FOXP2: variants seen among roughly 807,000 people sequenced by gnomAD.
FOXP2 encodes forkhead box P2.
Under a neutral mutation model 115.8 loss-of-function variants are expected in FOXP2, and 12 were observed. The observed-to-expected ratio is 0.10, with a 90% CI of 0.07 to 0.17. The LOEUF (loss-of-function observed/expected upper bound fraction) is 0.17. Among genes scored for constraint, FOXP2 ranks in the 10% least tolerant of loss-of-function variants. The pLI is 1.00. For missense variants in FOXP2, 629 were observed against 843.5 expected (o/e 0.75, Z 3.15); for synonymous variants, 328 against 297.7 (o/e 1.10, Z -1.05).
chr7:114,451,760 G>C (rs1584752124), intron 2 of FOXP2, among the ~76,000 whole-genome samples: 1 of 151,958 alleles, frequency 6.6e-6, no homozygotes, highest in South Asian at 2.1e-4. Context: ...GTGCTCTACA[G>C]AAAAATAATA....
intron 2 of FOXP2, among the ~76,000 whole-genome samples, chr7:114,328,020 C>T (rs925554577): frequency 2.7e-4 from 41 of 150,770 alleles, no homozygotes; most frequent in Non-Finnish European, 5.5e-4. Flanking sequence ...TTCTGGGATC[C>T]ATCAATCCCC....
chr7:114,691,929 C>CAAAAAAAAAAAAAAAA lies in FOXP2; in HGVS notation c.*2016_*2017insAAAAAAAAAAAAAAAA. Reference sequence around the variant, plus strand: ...GGCTTTCTGAAAGCTTCTACCTCTGCAAAAAAAAAAAAAGAAAAAAAAAAA... The same window carrying CAAAAAAAAAAAAAAAA: ...GGCTTTCTGAAAGCTTCTACCTCTGCAAAAAAAAAAAAAAAAAAAAAAAAAAAAAGAAAAAAAAAAA... On this transcript the variant is annotated 3_prime_UTR_variant, in exon 17 of 17. Coordinates refer to ENST00000350908, the MANE Select transcript of FOXP2 (RefSeq NM_014491.4). 4.0e-6 allele frequency: 1 copy of CAAAAAAAAAAAAAAAA among 250,926 alleles called. No homozygotes were observed. 15.5% of individuals were successfully genotyped at this position (250,926 alleles called of 1,614,324 possible). A position where few individuals can be genotyped will look rare whatever the true frequency, so the allele number is the denominator to read the frequency against.
chr7:114,232,611 C>T (rs563426879), intron 1 of FOXP2, among the ~76,000 whole-genome samples: 3 of 151,990 alleles, frequency 2.0e-5, no homozygotes, highest in Non-Finnish European at 4.4e-5. Context: ...GTCAGGAGTT[C>T]GAGACCAGCC....
chr7:114,426,603 G>A lies in FOXP2; in HGVS notation c.92G>A (p.Ser31Asn), dbSNP rs762007110. 2 of 1,611,756 alleles carry A rather than the reference G, an allele frequency of 1.2e-6. No homozygotes were observed. Among genetic ancestry groups the A allele is most frequent in the Admixed American group, 1.7e-5 (1 of 59,762 alleles). ...CTAAGCAGCCAATTAGATGCTGGCA[G>A]CAGAGATGGAAGATCAAGTGGTGAC... ...STLSSQLDAG[S>N]RDGRSSGDTS... Residue 31 changes from serine (S) to asparagine (N), a missense_variant, in exon 2 of 17, where the codon AGC becomes AAC. This residue lies in a region of FOXP2 where 91 missense variants were observed against 98.3 expected (regional missense o/e 0.93). Coordinates refer to ENST00000350908, the MANE Select transcript of FOXP2 (RefSeq NM_014491.4).
chr7:114,673,563 T>G (rs1446945299), intron 16 of FOXP2, among the ~76,000 whole-genome samples: 1 of 152,210 alleles, frequency 6.6e-6, no homozygotes, highest in Non-Finnish European at 1.5e-5. Context: ...TTGCATAAAT[T>G]TAAATACATT....
chr7:114,548,814 A>G (rs187650635), intron 3 of FOXP2, among the ~76,000 whole-genome samples: 108 of 152,312 alleles, frequency 7.1e-4, no homozygotes, highest in Non-Finnish European at 1.2e-4. Context: ...CAAACACTGG[A>G]TAGTTTAACT....
chr7:114,191,610 G>T (rs181813078), intron 1 of FOXP2, among the ~76,000 whole-genome samples: 1 of 152,236 alleles, frequency 6.6e-6, no homozygotes, highest in East Asian at 1.9e-4. Flanking sequence ...TTTTTGACTA[G>T]TGGGCTTTTC....
chr7:114,097,982 A>G (rs887300278), intron 1 of FOXP2, among the ~76,000 whole-genome samples: 3 of 152,258 alleles, frequency 2.0e-5, no homozygotes, highest in Non-Finnish European at 4.4e-5. Flanking sequence ...CGCCCAAGTC[A>G]GATGAGAGGT....
chr7:114,546,568 C>T (rs374901677), intron 3 of FOXP2, among the ~76,000 whole-genome samples: 17 of 152,196 alleles, frequency 1.1e-4, no homozygotes, highest in African/African-American at 3.9e-4. Flanking sequence ...TTTGTTCCTG[C>T]TTCTCATCTG....
At chr7:114,505,069 T>C (rs973344336) in intron 2 of FOXP2, among the ~76,000 whole-genome samples, 13 of 151,666 alleles carry the variant, frequency 8.6e-5, no homozygotes, top group Middle Eastern at 3.2e-3. Flanking sequence ...TCCTCAAACA[T>C]AGTTCTGACT....
At position 114,642,569 on chromosome 7, in the gene FOXP2, C is replaced by G; in HGVS notation, c.935C>G (p.Thr312Ser). The G allele has an allele frequency of 6.2e-7, 1 of 1,613,796 alleles. No homozygotes were observed. ...ACTTCCAAAGCATCACCACCAATAA[C>G]TCATCATTCCATAGTGAATGGACAG... Reference protein sequence around the residue: ...SNTSKASPPITHHSIVNGQSS... With the variant: ...SNTSKASPPISHHSIVNGQSS... Residue 312 changes from threonine to serine, a missense_variant, in exon 7 of 17, where the codon ACT (threonine) becomes AGT (serine). Thr to Ser is a moderately conservative substitution (Grantham distance 58). Transcript: ENST00000350908.
At chr7:114,385,047 C>A (rs1792408956) in intron 2 of FOXP2, among the ~76,000 whole-genome samples, 1 of 151,586 alleles carries the variant, frequency 6.6e-6, no homozygotes, top group Non-Finnish European at 1.5e-5. Context: ...TCTCTCTCCC[C>A]CCCTCTCTCT....
intron 2 of FOXP2, among the ~76,000 whole-genome samples, chr7:114,459,132 A>G (rs1396059595): frequency 6.6e-6 from 1 of 152,196 alleles, no homozygotes; most frequent in Non-Finnish European, 1.5e-5. Context: ...AGCGGGAAGG[A>G]AAAAGCAGCC....
chr7:114,322,675 A>G (rs895061937), intron 2 of FOXP2, among the ~76,000 whole-genome samples: 1 of 152,178 alleles, frequency 6.6e-6, no homozygotes, highest in Non-Finnish European at 1.5e-5. Context: ...CATGTATTTG[A>G]AACCAGATTT....
upstream of FOXP2, among the ~76,000 whole-genome samples, chr7:114,161,661 T>C (rs1192529861): frequency 6.6e-6 from 1 of 152,104 alleles, no homozygotes. Flanking sequence ...CGTGTATATA[T>C]ATAATTTTGC....
chr7:114,314,051 TAGAAA>T (rs1361758212), intron 2 of FOXP2, among the ~76,000 whole-genome samples: 1 of 151,722 alleles, frequency 6.6e-6, no homozygotes, highest in Non-Finnish European at 1.5e-5. Context: ...CCAAAAAGAA[TAGAAA>T]AGAACAGAAT....
Position 114,693,260 on chromosome 7 carries a change from C to T in FOXP2, c.*3334C>T, listed in dbSNP as rs919996698. ...AAATGTCATCAGCATTCTGTGTCTA[C>T]AGCTGCTTAACTTCATAAGAATGCA... On this transcript the variant is annotated 3_prime_UTR_variant, in exon 17 of 17. Coordinates refer to ENST00000350908, the MANE Select transcript of FOXP2 (RefSeq NM_014491.4). 6 of 450,350 alleles carry T rather than the reference C, an allele frequency of 1.3e-5. No individual in the cohort carries two copies. Among genetic ancestry groups the T allele is most frequent in the African/African-American group, 1.2e-4 (6 of 49,820 alleles). 27.9% of individuals were successfully genotyped at this position (450,350 alleles called of 1,614,324 possible). A position where few individuals can be genotyped will look rare whatever the true frequency, so the allele number is the denominator to read the frequency against.
At chr7:114,338,949 C>G (rs1562877394) in intron 2 of FOXP2, among the ~76,000 whole-genome samples, 1 of 151,110 alleles carries the variant, frequency 6.6e-6, no homozygotes, top group East Asian at 1.9e-4. Context: ...CAAAACAGAT[C>G]TATGAAATTT....
chr7:114,275,456 C>T (rs768225490), intron 1 of FOXP2, among the ~76,000 whole-genome samples: 5 of 152,136 alleles, frequency 3.3e-5, no homozygotes, highest in Non-Finnish European at 7.4e-5. Context: ...AAGTTGTGTC[C>T]TGTCTACTAG....
Sources: gnomAD v4.1 joint callset for allele counts (sites outside exome capture counted in the v4.1 genomes callset) on GRCh38, gnomAD v4.1.1 for gene constraint, gnomAD v4.1.1 regional missense constraint, MANE v1.5 for transcripts, NCBI Gene and HGNC (gene_info 2026-07-23, HGNC 2026-07-21) for gene names.